Variants in SHISA9 observed in about 807,000 individuals in gnomAD.
SHISA9 encodes the protein protein shisa-9.
Under a neutral mutation model 38.0 loss-of-function variants are expected in SHISA9, and 13 were observed. The ratio of observed to expected loss-of-function variants is 0.34; its 90% CI spans 0.22 to 0.54. The LOEUF (loss-of-function observed/expected upper bound fraction) is 0.54. Among genes scored for constraint, SHISA9 ranks in the 20% least tolerant of loss-of-function variants. SHISA9 has a pLI of 0.91. For missense variants in SHISA9, 538 were observed against 575.8 expected, an observed-to-expected ratio of 0.93 and a Z score of 0.67; for synonymous variants, 275 against 242.0, an observed-to-expected ratio of 1.14 and a Z score of -1.27.
At chr16:12,970,651 T>C (rs2072069052) in intron 2 of SHISA9, among the ~76,000 whole-genome samples, 2 of 148,780 alleles carry the variant, frequency 1.3e-5, no homozygotes, top group Admixed American at 6.8e-5. Context: ...GCTGGAACTA[T>C]AGGCACACAC....
intron 3 of SHISA9, among the ~76,000 whole-genome samples, chr16:13,204,640 T>G (rs2051045524): frequency 6.6e-6 from 1 of 152,222 alleles, no homozygotes; most frequent in Admixed American, 6.5e-5. Flanking sequence ...ATTTAAGTAT[T>G]TACGGGAGTG....
the SHISA9 span, among the ~76,000 whole-genome samples, chr16:13,511,554 T>C: frequency 6.6e-6 from 1 of 152,232 alleles, no homozygotes; most frequent in East Asian, 1.9e-4. Context: ...TTTTCCAATA[T>C]TGGACATCAG....
the SHISA9 span, among the ~76,000 whole-genome samples, chr16:13,397,436 G>T: frequency 6.6e-6 from 1 of 152,062 alleles, no homozygotes; most frequent in Non-Finnish European, 1.5e-5. Flanking sequence ...TTGTTTGTTA[G>T]TTTGTTTTTA....
At chr16:13,209,044 AT>A (rs1250035066) in intron 3 of SHISA9, among the ~76,000 whole-genome samples, 10 of 152,196 alleles carry the variant, frequency 6.6e-5, no homozygotes, top group Admixed American at 4.6e-4. Context: ...TGGAGAAATT[AT>A]TTAACTTCCT....
chr16:13,187,454 C>T (rs1341306471), intron 2 of SHISA9, among the ~76,000 whole-genome samples: 2 of 151,410 alleles, frequency 1.3e-5, no homozygotes, highest in Non-Finnish European at 2.9e-5. Context: ...CCTGTCTCAG[C>T]CTCCTGAATA....
At chr16:13,443,287 A>G in the SHISA9 span, among the ~76,000 whole-genome samples, 3 of 152,206 alleles carry the variant, frequency 2.0e-5, no homozygotes, top group African/African-American at 7.2e-5. Flanking sequence ...TCTTCGGAGA[A>G]CTTTTTCTAG....
At chr16:13,221,667 G>A (rs1057215765) in intron 4 of SHISA9, among the ~76,000 whole-genome samples, 6 of 152,122 alleles carry the variant, frequency 3.9e-5, no homozygotes, top group Non-Finnish European at 7.4e-5. Context: ...CCCATTTAAA[G>A]TGTAAAATCC....
intron 2 of SHISA9, among the ~76,000 whole-genome samples, chr16:12,971,715 CATT>C (rs923631546): frequency 3.9e-5 from 6 of 152,144 alleles, no homozygotes; most frequent in African/African-American, 9.7e-5. Context: ...ATGCCATCAT[CATT>C]GTTGTAGGGG....
chr16:12,903,519 A>AT (rs997538148), intron 1 of SHISA9, among the ~76,000 whole-genome samples: 20 of 41,738 alleles, frequency 4.8e-4, no homozygotes, highest in Admixed American at 7.4e-4. Context: ...CTTTTTTTAA[A>AT]TTTTTTTTAT....
chr16:13,004,947 A>AAAAAAAAAAG, intron 2 of SHISA9, among the ~76,000 whole-genome samples: 1 of 128,870 alleles, frequency 7.8e-6, no homozygotes, highest in Admixed American at 8.2e-5. Context: ...GAAAAAGAAA[A>AAAAAAAAAAG]AAAAAAAAAA....
chr16:13,123,514 TA>T (rs1183502358), intron 2 of SHISA9, among the ~76,000 whole-genome samples: 1 of 152,220 alleles, frequency 6.6e-6, no homozygotes, highest in Non-Finnish European at 1.5e-5. Context: ...GTGGCTGTTC[TA>T]AGTAACACAG....
the SHISA9 span, among the ~76,000 whole-genome samples, chr16:13,491,817 C>A: frequency 4.3e-5 from 2 of 46,892 alleles, 1 homozygote. Context: ...TATTTATTGA[C>A]CTTTTTTTTT....
the SHISA9 span, among the ~76,000 whole-genome samples, chr16:13,548,954 A>G: frequency 6.6e-6 from 1 of 152,244 alleles, no homozygotes; most frequent in African/African-American, 2.4e-5. Context: ...AAGATATAGA[A>G]TCAACCTGTA....
At chr16:13,141,570 G>T (rs2050402068) in intron 2 of SHISA9, among the ~76,000 whole-genome samples, 2 of 151,980 alleles carry the variant, frequency 1.3e-5, no homozygotes, top group South Asian at 4.1e-4. Flanking sequence ...TGTAGTCCCA[G>T]CTACTGGAGA....
At chr16:13,244,571 T>A (rs536759216), downstream of SHISA9, among the ~76,000 whole-genome samples, 1 of 152,342 alleles carries the variant, frequency 6.6e-6, no homozygotes, top group Non-Finnish European at 1.5e-5. Flanking sequence ...ATACATAAAA[T>A]ACACATAGCA....
the SHISA9 span, among the ~76,000 whole-genome samples, chr16:13,357,840 C>A: frequency 5.3e-5 from 8 of 151,802 alleles, no homozygotes; most frequent in African/African-American, 1.7e-4. Flanking sequence ...GCTTTTTGAG[C>A]CAGGATGAGC....
the SHISA9 span, among the ~76,000 whole-genome samples, chr16:13,530,378 A>G: frequency 1.3e-5 from 2 of 152,284 alleles, no homozygotes; most frequent in Admixed American, 6.5e-5. Flanking sequence ...ATCTCCCTGA[A>G]CTTCATTTTC....
intron 2 of SHISA9, among the ~76,000 whole-genome samples, chr16:12,956,212 C>T (rs2865906): frequency 0.73 from 110,125 of 151,640 alleles, 40,296 homozygotes; most frequent in Middle Eastern, 0.78. Flanking sequence ...ATGGCTATTA[C>T]TAAAAATCAG....
chr16:13,521,987 C>G, the SHISA9 span, among the ~76,000 whole-genome samples: 2 of 152,052 alleles, frequency 1.3e-5, no homozygotes, highest in South Asian at 4.2e-4. Flanking sequence ...CCACATATAC[C>G]CTGAAATATA....
Sources: allele counts gnomAD v4.1 joint callset (sites outside exome capture counted in the v4.1 genomes callset), GRCh38; gene constraint gnomAD v4.1.1; transcripts MANE v1.5; gene names NCBI Gene and HGNC (gene_info 2026-07-23, HGNC 2026-07-21).